Variants in LRIT3 observed in about 807,000 individuals in gnomAD.
LRIT3 encodes leucine-rich repeat, immunoglobulin-like domain and transmembrane domain-containing protein 3.
LRIT3 carries 14 observed loss-of-function variants against 22.6 expected under a neutral mutation model. That is an observed-to-expected ratio of 0.62 (90% confidence interval 0.41 to 0.97). The LOEUF (loss-of-function observed/expected upper bound fraction) is 0.97, where lower values mean the gene tolerates loss of function less well. LRIT3 is among the 50% of genes least tolerant of loss of function. LRIT3 has a pLI of 0.00. For synonymous variants in LRIT3, 306 were observed against 304.5 expected (o/e 1.01, Z -0.05); for missense variants, 783 against 803.0 (o/e 0.98, Z 0.30).
rs762773019 is a variant in LRIT3, at chr4:109,867,842, T to A, written c.791T>A (p.Met264Lys). The change falls in exon 3 of 4, where the codon ATG (methionine) becomes AAG (lysine). Residue 264 changes from methionine to lysine, a missense_variant. Around this residue, in one of 2 missense-constraint regions of LRIT3, gnomAD observed 756 missense variants for 753.8 expected, o/e 1.00. Transcript: ENST00000594814. ...GTGATGACCTCAGCCACCAAAATCA[T>A]GTCTGCTCTGGGCAGTAATGTTCTA... ...PSVMTSATKI[M>K]SALGSNVLLR... 1 of 1,614,204 alleles carries A rather than the reference T, an allele frequency of 6.2e-7. No homozygotes were observed. The highest frequency in any genetic ancestry group is 8.5e-7 in the Non-Finnish European group (1 of 1,180,028).
intron 3 of LRIT3, among the ~76,000 whole-genome samples, chr4:109,869,328 T>C (rs892570149): frequency 2.0e-5 from 3 of 152,194 alleles, no homozygotes; most frequent in Admixed American, 1.3e-4. Flanking sequence ...AGCCTAAAGA[T>C]ATGAATTGAC....
At chr4:109,851,378 G>T in intron 1 of LRIT3, 126 bp from the exon 2 acceptor site, 2 of 1,322,000 alleles carry the variant, frequency 1.5e-6, no homozygotes, top group Non-Finnish European at 2.0e-6. Context: ...GCCTCCCAAA[G>T]TGCTGGGATT....
chr4:109,856,782 A>G (rs1241021396), intron 2 of LRIT3, among the ~76,000 whole-genome samples: 1 of 152,184 alleles, frequency 6.6e-6, no homozygotes, highest in Non-Finnish European at 1.5e-5. Context: ...ATTTTTGATC[A>G]ATACCTGACT....
rs1183591741 is a variant in LRIT3, at chr4:109,860,911, G to A, written c.590-6730G>A. Among the ~76,000 whole-genome samples, 3 of 152,230 alleles carry A rather than the reference G, an allele frequency of 2.0e-5. No homozygotes were observed. In the South Asian group the frequency reaches 6.2e-4, roughly 31 times the overall value. ...AATTGTATTCAATTGTATGAATGAA[G>A]CAATTGTTCATCCTTTCTCCTGATG... On this transcript the variant is annotated intron_variant, in intron 2 of 3. Coordinates refer to ENST00000594814, the MANE Select transcript of LRIT3 (RefSeq NM_198506.5).
At chr4:109,853,143 T>C (rs1734314247) in intron 2 of LRIT3, among the ~76,000 whole-genome samples, 1 of 152,210 alleles carries the variant, frequency 6.6e-6, no homozygotes, top group Admixed American at 6.5e-5. Context: ...TTCTAGGTCC[T>C]TGAGGAATTG....
chr4:109,850,423 CTTTCT>C (rs1235518592), intron 1 of LRIT3, among the ~76,000 whole-genome samples: 333 of 6,088 alleles, frequency 0.055, 45 homozygotes, highest in East Asian at 0.08. Context: ...TCCTTCCTTC[CTTTCT>C]TTCTTTCTTT....
At position 109,869,745 on chromosome 4, in the gene LRIT3, T is replaced by C. The variant is rs778669769; in HGVS notation, c.996T>C (p.Asn332=). 1.2e-6 allele frequency: 2 copies of C among 1,613,564 alleles called. No homozygotes were observed. Among genetic ancestry groups the C allele is most frequent in the African/African-American group, 1.3e-5 (1 of 75,052 alleles). The part of the protein sequence containing the change: ...DAGDYKCKAK[N]LAGMSEAVVT... ...GGGATTACAAATGTAAGGCCAAAAA[T>C]CTGGCTGGGATGTCAGAAGCTGTGG... Residue 332 remains asparagine, a synonymous_variant, in exon 4 of 4, where the codon AAT becomes AAC. Coordinates refer to ENST00000594814, the MANE Select transcript of LRIT3 (RefSeq NM_198506.5).
Position 109,856,694 on chromosome 4 carries a change from G to T in LRIT3, c.589+4718G>T, listed in dbSNP as rs140837208. On this transcript the variant is annotated intron_variant, in intron 2 of 3. Transcript: ENST00000594814. Reference sequence around the variant, plus strand: ...GAAATATTCCAATCACATTGCATTTGTAATCCGTGTTCTAAACTCTTAATT... The same window carrying T: ...GAAATATTCCAATCACATTGCATTTTTAATCCGTGTTCTAAACTCTTAATT... 5.7e-3 allele frequency among the ~76,000 whole-genome samples: 862 copies of T among 152,238 alleles called. 3 individuals carry two copies. Among genetic ancestry groups the T allele is most frequent in the African/African-American group, 0.019 (775 of 41,538 alleles).
chr4:109,870,682 C>A lies in LRIT3; in HGVS notation c.1933C>A (p.Arg645=). The change falls in exon 4 of 4, where the codon CGA becomes AGA. Residue 645 remains arginine (R), a synonymous_variant. Coordinates refer to ENST00000594814, the MANE Select transcript of LRIT3 (RefSeq NM_198506.5). ...TCAAAGTGTAGGTGAGCTCTGGACA[C>A]GAAGCCACAGGGATGACTCAGAGAA... ...RSQSVGELWT[R]SHRDDSEKLL... is the part of the protein sequence containing the mutation. 1 of 1,614,090 alleles carries A rather than the reference C, an allele frequency of 6.2e-7. No homozygotes were observed. The highest frequency in any genetic ancestry group is 8.5e-7 in the Non-Finnish European group (1 of 1,179,996).
intron 2 of LRIT3, among the ~76,000 whole-genome samples, chr4:109,852,601 T>TTTATTA (rs934352350): frequency 1.1e-4 from 17 of 151,958 alleles, no homozygotes; most frequent in Admixed American, 1.0e-3. Context: ...TCTGGTTCTT[T>TTTATTA]TTATTATTAT....
Position 109,870,739 on chromosome 4 carries a change from T to A in LRIT3, c.1990T>A (p.Ser664Thr). 1 of 1,613,000 alleles carries A rather than the reference T, an allele frequency of 6.2e-7. No individual in the cohort carries two copies. The highest frequency in any genetic ancestry group is 1.7e-5 in the Admixed American group (1 of 59,844). The change falls in exon 4 of 4, where the codon TCT becomes ACT. Residue 664 changes from serine (S) to threonine (T), a missense_variant. Transcript: ENST00000594814. Reference protein sequence around the residue: ...LLLCSRSSVESQVTFKSEGSR... With the variant: ...LLLCSRSSVETQVTFKSEGSR... ...GCTTTGTTCTAGGTCAAGTGTGGAA[T>A]CTCAGGTGACTTTTAAAAGTGAAGG...
At chr4:109,858,980 T>C (rs1349339399) in intron 2 of LRIT3, among the ~76,000 whole-genome samples, 1 of 152,200 alleles carries the variant, frequency 6.6e-6, no homozygotes, top group Non-Finnish European at 1.5e-5. Flanking sequence ...AAGTGGCTTC[T>C]CTGGTTTGAC....
In LRIT3 at chr4:109,862,749, G is replaced by A. The variant is rs1451287127; in HGVS notation, c.590-4892G>A. ...GTATCTCACTTTGTCACCCAGGCTG[G>A]AGTGCAGTGGCACAAACCATGACTC... On this transcript the variant is annotated intron_variant, in intron 2 of 3. Transcript: ENST00000594814. Among the ~76,000 whole-genome samples the A allele has an allele frequency of 4.6e-5, 7 of 152,144 alleles. No individual in the cohort carries two copies. In the East Asian group the frequency reaches 1.4e-3, roughly 29 times the overall value.
intron 2 of LRIT3, among the ~76,000 whole-genome samples, chr4:109,866,873 G>T (rs183313778): frequency 1.3e-5 from 2 of 152,178 alleles, no homozygotes; most frequent in Non-Finnish European, 2.9e-5. Flanking sequence ...TCCGCTAACC[G>T]CATTGCTTGC....
chr4:109,863,136 A>G (rs1048373635), intron 2 of LRIT3, among the ~76,000 whole-genome samples: 1 of 152,230 alleles, frequency 6.6e-6, no homozygotes, highest in African/African-American at 2.4e-5. Context: ...TAAGCCATTT[A>G]CAAAGTCAAG....
intron 2 of LRIT3, among the ~76,000 whole-genome samples, chr4:109,862,879 A>G (rs1734582549): frequency 6.6e-6 from 1 of 152,116 alleles, no homozygotes; most frequent in Admixed American, 6.6e-5. Context: ...TTTTTTGTAG[A>G]GACAGGATCT....
intron 1 of LRIT3, among the ~76,000 whole-genome samples, chr4:109,851,063 C>T (rs1734242178): frequency 6.6e-6 from 1 of 151,964 alleles, no homozygotes; most frequent in African/African-American, 2.4e-5. Context: ...TTAAGTTGGA[C>T]AGAAGTGGTT....
chr4:109,860,757 T>C (rs1396409660), intron 2 of LRIT3, among the ~76,000 whole-genome samples: 1 of 152,232 alleles, frequency 6.6e-6, no homozygotes, highest in East Asian at 1.9e-4. Context: ...AGGTTAATTG[T>C]GCCTGCTCTA....
chr4:109,859,358 C>T (rs966004529), intron 2 of LRIT3, among the ~76,000 whole-genome samples: 1 of 152,104 alleles, frequency 6.6e-6, no homozygotes, highest in African/African-American at 2.4e-5. Context: ...CATCTGTATG[C>T]AGAAGTACAG....
Sources: gnomAD v4.1 joint callset for allele counts (sites outside exome capture counted in the v4.1 genomes callset) on GRCh38, gnomAD v4.1.1 for gene constraint, gnomAD v4.1.1 regional missense constraint, MANE v1.5 for transcripts, NCBI Gene and HGNC (gene_info 2026-07-23, HGNC 2026-07-21) for gene names.